The following WTAP variants were observed in gnomAD, a reference collection of about 807,000 sequenced individuals.
The protein encoded by WTAP is WT1 associated protein, also known as pre-mRNA-splicing regulator WTAP.
A neutral mutation model predicts 50.0 loss-of-function variants in WTAP; 8 were observed. That is an observed-to-expected ratio of 0.16 (90% confidence interval 0.09 to 0.29). WTAP has a LOEUF of 0.29. Ranked by LOEUF, WTAP falls within the 10% of genes least tolerant of loss-of-function variation. The pLI, the probability that WTAP is intolerant of heterozygous loss-of-function variation, is 1.00. For synonymous variants in WTAP, 194 were observed against 169.0 expected (o/e 1.15, Z -1.15); for missense variants, 295 against 470.7 (o/e 0.63, Z 3.45).
intron 2 of WTAP, 62 bp downstream of exon 2, chr6:159,736,357 C>A: frequency 6.9e-6 from 9 of 1,304,510 alleles, no homozygotes; most frequent in African/African-American, 1.5e-5. Flanking sequence ...CTTTTTTAAG[C>A]ACTTTAAAAA....
intron 5 of WTAP, among the ~76,000 whole-genome samples, chr6:159,744,839 G>A (rs906146313): frequency 2.0e-5 from 3 of 152,006 alleles, no homozygotes; most frequent in Admixed American, 1.3e-4. Context: ...GCCACCAAGC[G>A]CAGCTAATTT....
At chr6:159,727,358 G>A, upstream of WTAP, 1 of 1,253,686 alleles carries the variant, frequency 8.0e-7, no homozygotes, top group Non-Finnish European at 1.0e-6. Context: ...AGGCGAACAT[G>A]GCGGAGCGGG....
chr6:159,743,631 A>C (rs1335150197), intron 4 of WTAP, 34 bp from the exon 5 acceptor site: 1 of 1,561,964 alleles, frequency 6.4e-7, no homozygotes, highest in African/African-American at 1.4e-5. Context: ...CTTGATCTTA[A>C]AATTGTATTT....
intron 1 of WTAP, among the ~76,000 whole-genome samples, chr6:159,732,568 C>T (rs1044927540): frequency 1.3e-5 from 2 of 152,168 alleles, no homozygotes; most frequent in African/African-American, 4.8e-5. Flanking sequence ...GGCGCAGTAG[C>T]TTACACCTGT....
chr6:159,746,865 A>C (rs1345020916), intron 5 of WTAP, among the ~76,000 whole-genome samples: 5 of 152,170 alleles, frequency 3.3e-5, no homozygotes, highest in Admixed American at 2.0e-4. Context: ...TCATGAATGA[A>C]AGTGTTGACT....
intron 6 of WTAP, 26 bp from the exon 7 acceptor site, chr6:159,753,434 G>A: frequency 6.2e-7 from 1 of 1,614,128 alleles, no homozygotes; most frequent in Non-Finnish European, 8.5e-7. Context: ...TCTTCATTTT[G>A]TGATGGATGG....
At chr6:159,731,745 G>C (rs1778583510) in intron 1 of WTAP, among the ~76,000 whole-genome samples, 1 of 152,150 alleles carries the variant, frequency 6.6e-6, no homozygotes. Flanking sequence ...TTTGGGCCCT[G>C]GTTGTGGTAA....
chr6:159,742,903 A>G (rs1356370860), intron 4 of WTAP, among the ~76,000 whole-genome samples: 1 of 152,006 alleles, frequency 6.6e-6, no homozygotes, highest in Non-Finnish European at 1.5e-5. Context: ...AAAAAAAAAA[A>G]GAGTCAGGAG....
At chr6:159,731,141 A>C (rs974678360) in intron 1 of WTAP, among the ~76,000 whole-genome samples, 2 of 151,296 alleles carry the variant, frequency 1.3e-5, no homozygotes, top group East Asian at 3.9e-4. Flanking sequence ...ACTACGTCTC[A>C]AAAAAAAGAA....
chr6:159,727,116 C>G (rs1778215226), upstream of WTAP: 2 of 1,194,124 alleles, frequency 1.7e-6, no homozygotes, highest in Admixed American at 7.0e-5. Context: ...CTCCCCTCGG[C>G]CGCTTCCCTT....
intron 1 of WTAP, among the ~76,000 whole-genome samples, chr6:159,735,209 C>A (rs747755607): frequency 6.6e-6 from 1 of 152,168 alleles, no homozygotes; most frequent in Non-Finnish European, 1.5e-5. Flanking sequence ...CGCGCCATCT[C>A]GGCTCACTGC....
intron 6 of WTAP, 189 bp from the exon 7 acceptor site, chr6:159,753,271 A>G (rs3822849): frequency 0.25 from 191,595 of 764,042 alleles, 26,542 homozygotes; most frequent in African/African-American, 0.45. Flanking sequence ...GTTTATTTTT[A>G]CTGCTGTGTT....
intron 1 of WTAP, among the ~76,000 whole-genome samples, chr6:159,734,337 A>G (rs1778773440): frequency 6.6e-6 from 1 of 151,062 alleles, no homozygotes; most frequent in Non-Finnish European, 1.5e-5. Context: ...AGATGATGCC[A>G]CAGCACTCCA....
At chr6:159,749,264 TA>T (rs1779735157) in intron 6 of WTAP, 1 of 985,716 alleles carries the variant, frequency 1.0e-6, no homozygotes, top group Admixed American at 6.2e-5. Context: ...CTCACTGCAT[TA>T]TTTTTTTTAG....
intron 4 of WTAP, 141 bp downstream of exon 4, chr6:159,742,287 T>A (rs1291135420): frequency 2.5e-5 from 16 of 632,838 alleles, no homozygotes; most frequent in Non-Finnish European, 4.0e-5. Flanking sequence ...CTGTGTTGGG[T>A]GCAAGAAAAT....
chr6:159,741,043 T>C (rs1285052548), intron 3 of WTAP, among the ~76,000 whole-genome samples: 1 of 152,200 alleles, frequency 6.6e-6, no homozygotes, highest in Admixed American at 6.5e-5. Context: ...GTTTTTAAGA[T>C]TATAAAATGG....
Position 159,755,765 on chromosome 6 carries a change from C to CTTTTTTTTT in WTAP, c.*171_*179dup. 39 of 173,374 alleles carry CTTTTTTTTT rather than the reference C, an allele frequency of 2.2e-4. No homozygotes were observed. Among genetic ancestry groups the CTTTTTTTTT allele is most frequent in the African/African-American group, 8.7e-4 (10 of 11,446 alleles). The allele number at this position is 173,374 out of a possible 1,614,324, so 10.7% of individuals were successfully genotyped here. On this transcript the variant is annotated 3_prime_UTR_variant, in exon 8 of 8. Transcript: ENST00000621533. ...TTTTTCTTTGTTTTTTTTTTCTTTT[C>CTTTTTTTTT]TTTTTTTTTTTTTTTTTTTTTTTTT...
intron 5 of WTAP, among the ~76,000 whole-genome samples, chr6:159,747,396 T>C (rs939499496): frequency 4.6e-5 from 7 of 152,212 alleles, no homozygotes; most frequent in Non-Finnish European, 8.8e-5. Context: ...AGTTGGGTTA[T>C]TTAATCTCAA....
intron 1 of WTAP, among the ~76,000 whole-genome samples, chr6:159,732,773 G>A (rs1304405551): frequency 6.6e-5 from 10 of 152,172 alleles, no homozygotes; most frequent in Non-Finnish European, 1.0e-4. Flanking sequence ...GCAGTGAGCC[G>A]AGATCGCGCC....
Sources: allele counts gnomAD v4.1 joint callset (sites outside exome capture counted in the v4.1 genomes callset), GRCh38; gene constraint gnomAD v4.1.1; transcripts MANE v1.5; gene names NCBI Gene and HGNC (gene_info 2026-07-23, HGNC 2026-07-21).